ADGRB3: variants seen among roughly 807,000 people sequenced by gnomAD.
ADGRB3 encodes brain-specific angiogenesis inhibitor 3.
Under a neutral mutation model 193.4 loss-of-function variants are expected in ADGRB3, and 37 were observed. That is an observed-to-expected ratio of 0.19 (90% confidence interval 0.15 to 0.25). The LOEUF (loss-of-function observed/expected upper bound fraction) is 0.25, where lower values mean the gene tolerates loss of function less well. ADGRB3 is among the 10% of genes least tolerant of loss of function. ADGRB3 has a pLI of 1.00. For synonymous variants in ADGRB3, 690 were observed against 644.2 expected (o/e 1.07, Z -1.08); for missense variants, 1,637 against 1,852.9 (o/e 0.88, Z 2.14).
At chr6:68,716,764 A>C (rs1374166211) in intron 3 of ADGRB3, among the ~76,000 whole-genome samples, 1 of 151,662 alleles carries the variant, frequency 6.6e-6, no homozygotes, top group Non-Finnish European at 1.5e-5. Flanking sequence ...ATTGCTCTTA[A>C]TTCTTTTACC....
chr6:68,873,373 A>G (rs1038998808), intron 3 of ADGRB3, among the ~76,000 whole-genome samples: 7 of 152,124 alleles, frequency 4.6e-5, no homozygotes, highest in African/African-American at 1.4e-4. Flanking sequence ...GATTACGGCC[A>G]TATTTCATGT....
intron 3 of ADGRB3, among the ~76,000 whole-genome samples, chr6:68,883,879 A>G (rs186105913): frequency 6.8e-4 from 103 of 152,338 alleles, no homozygotes; most frequent in African/African-American, 2.3e-3. Context: ...TTACAACTAT[A>G]TGTATCTCAT....
chr6:69,061,728 A>C (rs1030628703), intron 15 of ADGRB3, among the ~76,000 whole-genome samples: 4 of 47,570 alleles, frequency 8.4e-5, no homozygotes, highest in Non-Finnish European at 1.9e-4. Flanking sequence ...AAAAGGAAAC[A>C]AAATAGATGA....
intron 20 of ADGRB3, among the ~76,000 whole-genome samples, chr6:69,310,995 G>A (rs1396828280): frequency 6.6e-6 from 1 of 151,618 alleles, no homozygotes; most frequent in Non-Finnish European, 1.5e-5. Flanking sequence ...CCCACATGCT[G>A]AGAAACTGAG....
intron 8 of ADGRB3, among the ~76,000 whole-genome samples, chr6:68,964,432 A>C (rs1337816068): frequency 6.6e-6 from 1 of 152,140 alleles, no homozygotes; most frequent in African/African-American, 2.4e-5. Flanking sequence ...AGCCTTGCCT[A>C]CTTCTCCCAG....
At chr6:68,637,843 A>G (rs1767993109) in intron 2 of ADGRB3, among the ~76,000 whole-genome samples, 1 of 151,716 alleles carries the variant, frequency 6.6e-6, no homozygotes, top group Non-Finnish European at 1.5e-5. Context: ...GGATACAGAT[A>G]CTAATACAGT....
chr6:68,878,678 C>T (rs1765654260), intron 3 of ADGRB3, among the ~76,000 whole-genome samples: 1 of 152,118 alleles, frequency 6.6e-6, no homozygotes, highest in East Asian at 1.9e-4. Context: ...CAGTTTTTGT[C>T]ACATTTTTCT....
chr6:68,875,900 A>T (rs1042877284), intron 3 of ADGRB3, among the ~76,000 whole-genome samples: 4 of 140,882 alleles, frequency 2.8e-5, no homozygotes, highest in Non-Finnish European at 6.5e-5. Context: ...CCCCCATATG[A>T]TTATAAGTGC....
chr6:68,986,083 A>C (rs1313027191), intron 10 of ADGRB3, among the ~76,000 whole-genome samples: 1 of 152,154 alleles, frequency 6.6e-6, no homozygotes, highest in African/African-American at 2.4e-5. Context: ...AAACTCTGAA[A>C]TTAAAGCTAT....
At chr6:69,114,987 A>G (rs1173643803) in intron 17 of ADGRB3, among the ~76,000 whole-genome samples, 1 of 152,188 alleles carries the variant, frequency 6.6e-6, no homozygotes, top group Non-Finnish European at 1.5e-5. Flanking sequence ...ACGCTTTTAC[A>G]CTGTTGGTGG....
chr6:69,255,474 T>C (rs946042179), intron 20 of ADGRB3, among the ~76,000 whole-genome samples: 13 of 152,216 alleles, frequency 8.5e-5, no homozygotes, highest in Non-Finnish European at 2.9e-5. Context: ...GTGAGCATTT[T>C]TTCATGTGTT....
chr6:68,798,586 G>C lies in ADGRB3; in HGVS notation c.758-131973G>C, dbSNP rs1160218998. 3.3e-5 allele frequency among the ~76,000 whole-genome samples: 5 copies of C among 152,180 alleles called. No homozygotes were observed. The East Asian group carries it at 7.7e-4, about 24-fold the overall frequency. ...ATTAGGAGAAATACCTAATGTAGGT[G>C]ACAGGTTGATGGGTGCAGCAAACCA... is the stretch of plus-strand genomic sequence containing the variant. On this transcript the variant is annotated intron_variant, in intron 3 of 31. Transcript: ENST00000370598.
chr6:69,237,682 G>A (rs992961166), intron 19 of ADGRB3, among the ~76,000 whole-genome samples: 2 of 151,968 alleles, frequency 1.3e-5, no homozygotes, highest in Non-Finnish European at 2.9e-5. Flanking sequence ...AGAACAAAAA[G>A]TTTCACTAAA....
chr6:68,720,017 C>T (rs1432616262), intron 3 of ADGRB3, among the ~76,000 whole-genome samples: 2 of 151,636 alleles, frequency 1.3e-5, no homozygotes, highest in Admixed American at 1.3e-4. Flanking sequence ...TACCATTGTT[C>T]CACTTGCGTT....
At chr6:69,255,961 T>A (rs1250976560) in intron 20 of ADGRB3, among the ~76,000 whole-genome samples, 1 of 152,150 alleles carries the variant, frequency 6.6e-6, no homozygotes, top group African/African-American at 2.4e-5. Flanking sequence ...AAATAGGGAA[T>A]CCTTTCCCCA....
At chr6:69,187,868 C>T (rs78316775) in intron 17 of ADGRB3, among the ~76,000 whole-genome samples, 338 of 152,220 alleles carry the variant, frequency 2.2e-3, no homozygotes, top group African/African-American at 7.7e-3. Context: ...GTCACCAAGT[C>T]CTGCTTGTCC....
intron 3 of ADGRB3, 124 bp downstream of exon 3, chr6:68,639,556 T>C (rs1263605066): frequency 1.5e-6 from 2 of 1,300,034 alleles, no homozygotes; most frequent in African/African-American, 3.0e-5. Context: ...ATTCATTTGA[T>C]TTGTGCTATT....
intron 3 of ADGRB3, among the ~76,000 whole-genome samples, chr6:68,705,165 A>G (rs950400493): frequency 1.3e-5 from 2 of 152,200 alleles, no homozygotes; most frequent in African/African-American, 4.8e-5. Flanking sequence ...TCATTACCCT[A>G]AACATGAAGA....
intron 3 of ADGRB3, among the ~76,000 whole-genome samples, chr6:68,837,365 T>G (rs540589040): frequency 2.6e-5 from 4 of 152,346 alleles, no homozygotes; most frequent in African/African-American, 9.6e-5. Flanking sequence ...AGTTGATATA[T>G]TCTTCCATTA....
Sources: allele counts gnomAD v4.1 joint callset (sites outside exome capture counted in the v4.1 genomes callset), GRCh38; gene constraint gnomAD v4.1.1; transcripts MANE v1.5; gene names NCBI Gene and HGNC (gene_info 2026-07-23, HGNC 2026-07-21).